PRMT7: variants seen among roughly 807,000 people sequenced by gnomAD.
The protein encoded by PRMT7 is protein arginine N-methyltransferase 7.
PRMT7 carries 75 observed loss-of-function variants against 85.4 expected under a neutral mutation model. That is an observed-to-expected ratio of 0.88 (90% CI 0.73 to 1.06). The LOEUF is 1.06. Ranked by LOEUF, PRMT7 falls within the 50% of genes least tolerant of loss-of-function variation. The probability of loss-of-function intolerance (pLI) is 0.00; values close to 1 mark genes in which losing one functional copy is unlikely to be tolerated. For missense variants in PRMT7, 868 were observed against 915.2 expected, an observed-to-expected ratio of 0.95 and a Z score of 0.67; for synonymous variants, 397 against 359.5, an observed-to-expected ratio of 1.10 and a Z score of -1.18.
chr16:68,316,263 T>A (rs962596179), intron 3 of PRMT7, 189 bp downstream of exon 3: 1 of 562,964 alleles, frequency 1.8e-6, no homozygotes, highest in African/African-American at 1.9e-5. Flanking sequence ...CATGCCTGTT[T>A]GGAGAGTCAG....
intron 4 of PRMT7, among the ~76,000 whole-genome samples, chr16:68,323,243 T>C (rs995817296): frequency 6.9e-6 from 1 of 144,372 alleles, no homozygotes; most frequent in Non-Finnish European, 1.5e-5. Flanking sequence ...TTAACAAGAA[T>C]GAGTCTCCCT....
At chr16:68,360,129 C>G (rs1468890778), downstream of PRMT7, 1 of 152,672 alleles carries the variant, frequency 6.5e-6, no homozygotes, top group Non-Finnish European at 1.5e-5. Flanking sequence ...CGCAGCCCCA[C>G]CCGGGGGGCA....
intron 5 of PRMT7, among the ~76,000 whole-genome samples, chr16:68,328,760 G>C (rs905502004): frequency 6.6e-6 from 1 of 152,052 alleles, no homozygotes; most frequent in Non-Finnish European, 1.5e-5. Flanking sequence ...GGTTCGTGAG[G>C]CAAGTCCCTT....
rs1490243308 is a variant in PRMT7, at chr16:68,339,916, TC to T, written c.876del (p.Lys293SerfsTer44). Reference sequence around the variant, plus strand: ...ATTGAAATGGACCCTGAGGGGAAGATCAAGTGCACCATGGCCCCCTTCTGGG... The same window carrying T: ...ATTGAAATGGACCCTGAGGGGAAGATAAGTGCACCATGGCCCCCTTCTGGG... Reference protein sequence around the residue: ...WDIEMDPEGKIKCTMAPFWAH... With the variant: ...WDIEMDPEGKXKCTMAPFWAH... On this transcript the variant is annotated frameshift_variant, in exon 9 of 19. Transcript: ENST00000441236. LOFTEE classifies it high-confidence loss of function. 3 of 1,614,068 alleles carry T rather than the reference TC, an allele frequency of 1.9e-6. No individual in the cohort carries two copies. In the South Asian group the frequency reaches 3.3e-5, roughly 18 times the overall value.
At chr16:68,321,579 T>A in intron 4 of PRMT7, 117 bp downstream of exon 4, 1 of 968,442 alleles carries the variant, frequency 1.0e-6, no homozygotes, top group Non-Finnish European at 1.5e-6. Context: ...GCGTATGGTG[T>A]AGAAGTCAGG....
chr16:68,358,096 A>T lies in PRMT7; in HGVS notation c.*872A>T, dbSNP rs1167728260. ...TGTCCCAGCTCTCAGAGGTAACAGCAGACACCACGTGAGAGAACCCAGTGG... is the reference window on the plus strand; with the variant it reads ...TGTCCCAGCTCTCAGAGGTAACAGCTGACACCACGTGAGAGAACCCAGTGG... On this transcript the variant is annotated 3_prime_UTR_variant, in exon 19 of 19. Coordinates refer to ENST00000441236, the MANE Select transcript of PRMT7 (RefSeq NM_019023.5). The T allele has an allele frequency of 6.6e-6, 1 of 152,312 alleles. No individual in the cohort carries two copies. The highest frequency in any genetic ancestry group is 1.5e-5 in the Non-Finnish European group (1 of 68,082). The allele number at this position is 152,312 out of a possible 1,614,324, so 9.4% of individuals were successfully genotyped here.
intron 3 of PRMT7, among the ~76,000 whole-genome samples, chr16:68,319,286 G>A (rs777183428): frequency 1.3e-5 from 2 of 152,118 alleles, no homozygotes; most frequent in African/African-American, 2.4e-5. Context: ...AAGGAATCCC[G>A]GAATAGCTGA....
intron 11 of PRMT7, 124 bp from the exon 12 acceptor site, chr16:68,347,087 G>C (rs933933918): frequency 1.1e-5 from 9 of 811,178 alleles, no homozygotes; most frequent in Non-Finnish European, 1.6e-5. Context: ...GCATGAGGAC[G>C]CAGGGGGATG....
chr16:68,344,844 A>T (rs1259935748), intron 9 of PRMT7, among the ~76,000 whole-genome samples: 4 of 151,692 alleles, frequency 2.6e-5, no homozygotes, highest in Non-Finnish European at 5.9e-5. Flanking sequence ...ATGAACACTG[A>T]TGGTCGCTTT....
chr16:68,353,135 C>T (rs1482758210), intron 15 of PRMT7, among the ~76,000 whole-genome samples: 2 of 152,118 alleles, frequency 1.3e-5, no homozygotes, highest in African/African-American at 4.8e-5. Flanking sequence ...CTTTTTCTCT[C>T]CCCAGCATCC....
At chr16:68,348,631 CTTTTTT>C (rs56041186) in intron 14 of PRMT7, among the ~76,000 whole-genome samples, 200 bp downstream of exon 14, 4 of 67,602 alleles carry the variant, frequency 5.9e-5, no homozygotes, top group Admixed American at 2.0e-4. Flanking sequence ...TTGCACTGCT[CTTTTTT>C]TTTTTTTTTT....
intron 6 of PRMT7, among the ~76,000 whole-genome samples, chr16:68,330,202 A>G (rs2083667931): frequency 6.6e-6 from 1 of 151,938 alleles, no homozygotes; most frequent in Admixed American, 6.6e-5. Flanking sequence ...CCTCCAGAAT[A>G]TTTTTTATAG....
chr16:68,311,115 T>A lies in PRMT7; in HGVS notation c.-219+16T>A. On this transcript the variant is annotated intron_variant, in intron 1 of 18. Transcript: ENST00000441236. ...CCCGCGGCGGGTGAGGCGCTGGGTA[T>A]GCTGGGAAGGTGGGGTCGCTTTGGG... The A allele has an allele frequency of 1.4e-6, 1 of 693,972 alleles. No individual in the cohort carries two copies. The highest frequency in any genetic ancestry group is 2.6e-6 in the Non-Finnish European group (1 of 383,002). The allele number at this position is 693,972 out of a possible 1,614,324, so 43.0% of individuals were successfully genotyped here.
At chr16:68,353,693 G>T in intron 16 of PRMT7, 127 bp downstream of exon 16, 1 of 826,066 alleles carries the variant, frequency 1.2e-6, no homozygotes, top group Non-Finnish European at 1.8e-6. Context: ...CTGCCATTTT[G>T]TGTGGTTCAA....
intron 6 of PRMT7, among the ~76,000 whole-genome samples, chr16:68,333,523 T>G (rs1395553145): frequency 6.6e-6 from 1 of 151,934 alleles, no homozygotes; most frequent in Non-Finnish European, 1.5e-5. Flanking sequence ...AGGTCTCGCT[T>G]TGTTTCACAG....
chr16:68,333,652 T>A (rs928615762), intron 6 of PRMT7, among the ~76,000 whole-genome samples: 1 of 152,070 alleles, frequency 6.6e-6, no homozygotes, highest in African/African-American at 2.4e-5. Flanking sequence ...ATTTATCCAT[T>A]TTGACGGCAG....
At chr16:68,317,626 G>A (rs1359640021) in intron 3 of PRMT7, among the ~76,000 whole-genome samples, 1 of 152,110 alleles carries the variant, frequency 6.6e-6, no homozygotes, top group African/African-American at 2.4e-5. Context: ...TCGGGAGTTC[G>A]AGACCAGCCT....
At chr16:68,342,148 C>T (rs2085643068) in intron 9 of PRMT7, among the ~76,000 whole-genome samples, 2 of 152,020 alleles carry the variant, frequency 1.3e-5, no homozygotes, top group African/African-American at 2.4e-5. Context: ...TGTGGTGGTG[C>T]GTGCCTGTAA....
rs1229801171 is a variant in PRMT7, at chr16:68,355,902, G to A, written c.1811+19G>A. 1 of 1,547,266 alleles carries A rather than the reference G, an allele frequency of 6.5e-7. No homozygotes were observed. On this transcript the variant is annotated intron_variant, in intron 17 of 18. Transcript: ENST00000441236. ...TCAGAAGGTGGGTGCAGAGAGGGCT[G>A]GGGGGCAGGGAGGGGCTGCTGCTTG...
Sources: allele counts gnomAD v4.1 joint callset (sites outside exome capture counted in the v4.1 genomes callset), GRCh38; gene constraint gnomAD v4.1.1; transcripts MANE v1.5; gene names NCBI Gene and HGNC (gene_info 2026-07-23, HGNC 2026-07-21).